MYO1D: variants seen among roughly 807,000 people sequenced by gnomAD.
MYO1D encodes myosin ID, also known as unconventional myosin-Id.
In MYO1D, 83 loss-of-function variants were observed where a neutral mutation model predicts 122.0. The observed-to-expected ratio is 0.68, with a 90% CI of 0.57 to 0.82. The LOEUF is 0.82. Among genes scored for constraint, MYO1D ranks in the 40% least tolerant of loss-of-function variants. MYO1D has a pLI of 0.00. For synonymous variants in MYO1D, 464 were observed against 446.9 expected (o/e 1.04, Z -0.48); for missense variants, 1,157 against 1,269.5 (o/e 0.91, Z 1.35).
chr17:32,787,814 T>G (rs1721351737), intron 1 of MYO1D, among the ~76,000 whole-genome samples: 3 of 152,228 alleles, frequency 2.0e-5, no homozygotes, highest in Admixed American at 2.0e-4. Context: ...TCCTCATAGC[T>G]TAGCTCCCAC....
At chr17:32,621,359 C>A (rs550406802) in intron 20 of MYO1D, among the ~76,000 whole-genome samples, 2 of 152,160 alleles carry the variant, frequency 1.3e-5, no homozygotes, top group South Asian at 4.1e-4. Flanking sequence ...TTGCATTTAA[C>A]AAGCTGCACT....
At chr17:32,663,261 G>A (rs531113423) in intron 16 of MYO1D, among the ~76,000 whole-genome samples, 22 of 152,128 alleles carry the variant, frequency 1.4e-4, no homozygotes, top group South Asian at 4.2e-4. Context: ...TTTTGCCTCC[G>A]TCACTTGTCA....
chr17:32,745,508 G>T, intron 12 of MYO1D: 1 of 390,554 alleles, frequency 2.6e-6, no homozygotes, highest in South Asian at 4.3e-5. Flanking sequence ...ATTCCCTACT[G>T]GTTTATTGCT....
At chr17:32,876,048 C>T (rs1243771633) in intron 1 of MYO1D, among the ~76,000 whole-genome samples, 3 of 152,106 alleles carry the variant, frequency 2.0e-5, no homozygotes, top group Non-Finnish European at 4.4e-5. Context: ...GTTAATAACA[C>T]AAGAGCTCCA....
chr17:32,826,929 T>G (rs994284548), intron 1 of MYO1D, among the ~76,000 whole-genome samples: 10 of 152,144 alleles, frequency 6.6e-5, no homozygotes, highest in African/African-American at 2.4e-4. Context: ...ATATAAAACA[T>G]GGGAATGTAT....
chr17:32,776,562 T>A (rs2090174001), intron 3 of MYO1D, among the ~76,000 whole-genome samples: 1 of 152,180 alleles, frequency 6.6e-6, no homozygotes, highest in African/African-American at 2.4e-5. Context: ...TTTATCTACA[T>A]AAAGAAAATT....
chr17:32,661,156 G>A (rs1238547588), intron 16 of MYO1D, among the ~76,000 whole-genome samples: 3 of 152,068 alleles, frequency 2.0e-5, no homozygotes, highest in Non-Finnish European at 2.9e-5. Flanking sequence ...ACTTTATAAA[G>A]GGGGTCTTTT....
rs548066031 is a variant in MYO1D, at chr17:32,712,058, G to A, written c.2051C>T (p.Pro684Leu). Residue 684 changes from proline to leucine, a missense_variant, in exon 16 of 22, where the codon CCC (proline) becomes CTC (leucine). By Grantham distance (98) the Pro-to-Leu change is moderately conservative. Coordinates refer to ENST00000318217, the MANE Select transcript of MYO1D (RefSeq NM_015194.3). ...YGKTKIFIRT[P>L]RTLFTLEELR... ...TTCTTCCAAGGTAAACAATGTTCGGGGTGTTCGAATGAAAATTTTGGTCTT... is the reference window on the plus strand; with the variant it reads ...TTCTTCCAAGGTAAACAATGTTCGGAGTGTTCGAATGAAAATTTTGGTCTT... The A allele has an allele frequency of 1.9e-6, 3 of 1,614,014 alleles. No homozygotes were observed. The East Asian group carries it at 6.7e-5, about 36-fold the overall frequency.
chr17:32,593,025 G>A (rs753842273), intron 21 of MYO1D, among the ~76,000 whole-genome samples: 1 of 152,106 alleles, frequency 6.6e-6, no homozygotes, highest in Non-Finnish European at 1.5e-5. Context: ...GGTTTTACTG[G>A]AGACTTCCAT....
chr17:32,714,354 G>A (rs2089416237), intron 15 of MYO1D, among the ~76,000 whole-genome samples: 1 of 152,108 alleles, frequency 6.6e-6, no homozygotes, highest in African/African-American at 2.4e-5. Context: ...GTCTGCTGAG[G>A]ATAGTGGCTT....
intron 1 of MYO1D, among the ~76,000 whole-genome samples, chr17:32,873,289 T>C (rs1026291565): frequency 4.6e-5 from 7 of 152,306 alleles, no homozygotes; most frequent in Non-Finnish European, 7.4e-5. Flanking sequence ...CCTTGAGTGC[T>C]TGACTATTAC....
At chr17:32,538,234 T>C (rs1910718717) in intron 21 of MYO1D, among the ~76,000 whole-genome samples, 1 of 151,454 alleles carries the variant, frequency 6.6e-6, no homozygotes, top group African/African-American at 2.4e-5. Flanking sequence ...GAAAAACGAG[T>C]AAAAATTGGG....
intron 20 of MYO1D, among the ~76,000 whole-genome samples, chr17:32,629,140 T>C (rs926184724): frequency 6.9e-6 from 1 of 145,436 alleles, no homozygotes; most frequent in African/African-American, 2.6e-5. Context: ...ACATTCTGTA[T>C]GATTCTAATT....
At chr17:32,765,166 CTTGT>C (rs2090043157) in intron 7 of MYO1D, 85 bp from the exon 8 acceptor site, 1 of 1,097,252 alleles carries the variant, frequency 9.1e-7, no homozygotes, top group Non-Finnish European at 1.3e-6. Flanking sequence ...TTCAGGTGAC[CTTGT>C]TTGTACCTAT....
rs555396338 is a variant in MYO1D, at chr17:32,654,579, G to A, written c.2388C>T (p.Asp796=). ...CAACCTTTGCCCTGACCTGGGGCAGGTCTGAGGCCGGAATGCTCTTGATGA... is the reference window on the plus strand; with the variant it reads ...CAACCTTTGCCCTGACCTGGGGCAGATCTGAGGCCGGAATGCTCTTGATGA... ...SQLIKSIPAS[D]LPQVRAKVAA... is the part of the protein sequence containing the mutation. Residue 796 remains aspartate, a synonymous_variant, in exon 18 of 22, where the codon GAC becomes GAT. Coordinates refer to ENST00000318217, the MANE Select transcript of MYO1D (RefSeq NM_015194.3). 1 of 1,613,754 alleles carries A rather than the reference G, an allele frequency of 6.2e-7. No homozygotes were observed. The highest frequency in any genetic ancestry group is 2.2e-5 in the East Asian group (1 of 44,850).
chr17:32,564,165 C>T (rs529671620), intron 21 of MYO1D, among the ~76,000 whole-genome samples: 1 of 152,318 alleles, frequency 6.6e-6, no homozygotes, highest in African/African-American at 2.4e-5. Context: ...TGGAGCCCTG[C>T]CTGGGGGCAG....
At chr17:32,653,174 G>A (rs1597974106) in intron 19 of MYO1D, among the ~76,000 whole-genome samples, 1 of 151,534 alleles carries the variant, frequency 6.6e-6, no homozygotes, top group Admixed American at 6.6e-5. Context: ...AAATAATGTA[G>A]GTATAAAAAG....
intron 1 of MYO1D, among the ~76,000 whole-genome samples, chr17:32,847,326 TG>T (rs1331717842): frequency 1.3e-5 from 2 of 152,218 alleles, no homozygotes; most frequent in Non-Finnish European, 1.5e-5. Context: ...AGCATATATA[TG>T]CTGCTTTGTT....
At chr17:32,703,015 A>T (rs1311320633) in intron 16 of MYO1D, among the ~76,000 whole-genome samples, 1 of 152,250 alleles carries the variant, frequency 6.6e-6, no homozygotes, top group Non-Finnish European at 1.5e-5. Flanking sequence ...AATTGCTCAG[A>T]GGAAAATGAT....
Sources: allele counts gnomAD v4.1 joint callset (sites outside exome capture counted in the v4.1 genomes callset), GRCh38; gene constraint gnomAD v4.1.1; transcripts MANE v1.5; gene names NCBI Gene and HGNC (gene_info 2026-07-23, HGNC 2026-07-21).